The following UGGT2 variants were observed in gnomAD, a reference collection of about 807,000 sequenced individuals.
UGGT2 encodes the protein UDP-glucose glycoprotein glucosyltransferase 2.
Under a neutral mutation model 192.1 loss-of-function variants are expected in UGGT2, and 180 were observed. The ratio of observed to expected loss-of-function variants is 0.94; its 90% CI spans 0.83 to 1.06. The LOEUF (loss-of-function observed/expected upper bound fraction) is 1.06, where lower values mean the gene tolerates loss of function less well. UGGT2 is among the 50% of genes least tolerant of loss of function. The pLI is 0.00. For missense variants in UGGT2, 1,849 were observed against 1,795.7 expected (o/e 1.03, Z -0.54); for synonymous variants, 580 against 591.0 (o/e 0.98, Z 0.27).
chr13:95,956,173 T>C (rs2050206514), intron 12 of UGGT2, among the ~76,000 whole-genome samples: 1 of 152,122 alleles, frequency 6.6e-6, no homozygotes, highest in East Asian at 1.9e-4. Flanking sequence ...ACTATAAAGC[T>C]ACAGTAATCA....
At chr13:96,047,930 G>C (rs932073718) in intron 1 of UGGT2, among the ~76,000 whole-genome samples, 3 of 151,998 alleles carry the variant, frequency 2.0e-5, no homozygotes, top group Admixed American at 6.6e-5. Flanking sequence ...AGATCAACGA[G>C]ACAGAAAGTT....
At chr13:95,982,105 T>C (rs2051144403) in intron 10 of UGGT2, among the ~76,000 whole-genome samples, 1 of 152,074 alleles carries the variant, frequency 6.6e-6, no homozygotes, top group African/African-American at 2.4e-5. Context: ...GGCTGACAGG[T>C]AGATAAGGTG....
At chr13:95,933,523 T>A (rs926326139) in intron 17 of UGGT2, among the ~76,000 whole-genome samples, 1 of 152,194 alleles carries the variant, frequency 6.6e-6, no homozygotes, top group Non-Finnish European at 1.5e-5. Context: ...TTTCACTGAT[T>A]CATTGTATAA....
chr13:95,936,362 G>A (rs538100939), intron 17 of UGGT2, among the ~76,000 whole-genome samples: 2 of 152,332 alleles, frequency 1.3e-5, no homozygotes, highest in South Asian at 2.1e-4. Context: ...AGCCAGCTGA[G>A]GCCAACATGG....
chr13:95,946,960 A>G (rs1205153844), intron 15 of UGGT2, 77 bp downstream of exon 15: 2 of 1,346,650 alleles, frequency 1.5e-6, no homozygotes, highest in African/African-American at 1.5e-5. Context: ...CAAAAATTAT[A>G]CATTCTAAAG....
At position 96,000,239 on chromosome 13, in the gene UGGT2, G is replaced by A. The variant is rs2051755204; in HGVS notation, c.661-932C>T. 2.6e-5 allele frequency among the ~76,000 whole-genome samples: 4 copies of A among 152,242 alleles called. No individual in the cohort carries two copies. In the South Asian group the frequency reaches 8.3e-4, roughly 32 times the overall value. Reference sequence around the variant, plus strand: ...ACAGGGACAGTTTTGCATGATAGAGGAAAAGGTAGAGATTGGAGGGAAGGA... The same window carrying A: ...ACAGGGACAGTTTTGCATGATAGAGAAAAAGGTAGAGATTGGAGGGAAGGA... On this transcript the variant is annotated intron_variant, in intron 5 of 38. Coordinates refer to ENST00000376747, the MANE Select transcript of UGGT2 (RefSeq NM_020121.4).
At chr13:95,870,612 G>T (rs1385608947) in intron 29 of UGGT2, among the ~76,000 whole-genome samples, 1 of 152,158 alleles carries the variant, frequency 6.6e-6, no homozygotes, top group Non-Finnish European at 1.5e-5. Context: ...CAGTTCCTTG[G>T]CTTTGTTCTC....
intron 20 of UGGT2, among the ~76,000 whole-genome samples, chr13:95,911,511 T>C (rs934344289): frequency 2.0e-5 from 3 of 152,128 alleles, no homozygotes; most frequent in African/African-American, 7.2e-5. Flanking sequence ...CCTGGACACA[T>C]ACACCCTCCC....
chr13:95,816,206 G>A (rs1421010290), intron 38 of UGGT2, among the ~76,000 whole-genome samples: 1 of 152,158 alleles, frequency 6.6e-6, no homozygotes. Flanking sequence ...ATTATAATTA[G>A]TCTGTAGGGA....
At chr13:95,883,507 C>G (rs896754766) in intron 27 of UGGT2, among the ~76,000 whole-genome samples, 1 of 152,132 alleles carries the variant, frequency 6.6e-6, no homozygotes, top group Non-Finnish European at 1.5e-5. Flanking sequence ...GGGGAGGGGC[C>G]TGGTGGGAGG....
At chr13:96,049,868 T>C (rs1325608091) in intron 1 of UGGT2, among the ~76,000 whole-genome samples, 1 of 152,136 alleles carries the variant, frequency 6.6e-6, no homozygotes, top group African/African-American at 2.4e-5. Flanking sequence ...TGCTCATGGA[T>C]AGGAAGAATC....
chr13:95,915,300 C>T (rs2048646446), intron 20 of UGGT2, among the ~76,000 whole-genome samples: 1 of 152,142 alleles, frequency 6.6e-6, no homozygotes, highest in South Asian at 2.1e-4. Flanking sequence ...CTCTCTGCTC[C>T]TGATTTTCCC....
chr13:95,941,544 T>G (rs2049679982), intron 15 of UGGT2, among the ~76,000 whole-genome samples: 2 of 152,028 alleles, frequency 1.3e-5, no homozygotes, highest in Admixed American at 1.3e-4. Flanking sequence ...ATCACAAAAA[T>G]GAGACTCTGA....
intron 29 of UGGT2, among the ~76,000 whole-genome samples, chr13:95,871,919 G>C (rs1424697956): frequency 6.6e-6 from 1 of 152,184 alleles, no homozygotes; most frequent in Non-Finnish European, 1.5e-5. Flanking sequence ...ACCAACTCGA[G>C]TACCTGCGGA....
intron 9 of UGGT2, among the ~76,000 whole-genome samples, chr13:95,985,975 G>C (rs571390707): frequency 1.3e-5 from 2 of 152,176 alleles, no homozygotes; most frequent in South Asian, 2.1e-4. Flanking sequence ...CTCCTACTTA[G>C]AGTAATACTT....
chr13:95,811,307 A>G (rs1884571215), intron 38 of UGGT2, among the ~76,000 whole-genome samples: 1 of 152,224 alleles, frequency 6.6e-6, no homozygotes, highest in African/African-American at 2.4e-5. Flanking sequence ...ATAAATATTC[A>G]TAGGAATATA....
chr13:95,987,474 G>C (rs1434385608), intron 8 of UGGT2, among the ~76,000 whole-genome samples: 2 of 152,036 alleles, frequency 1.3e-5, no homozygotes, highest in Non-Finnish European at 2.9e-5. Flanking sequence ...TCTAAATTAT[G>C]CAAAGGCCCC....
chr13:95,940,447 TTC>T (rs756162600), intron 15 of UGGT2, among the ~76,000 whole-genome samples: 453 of 149,556 alleles, frequency 3.0e-3, no homozygotes, highest in South Asian at 6.0e-3. Context: ...TGTAATTTTT[TTC>T]TTTTTCTTTT....
intron 20 of UGGT2, among the ~76,000 whole-genome samples, chr13:95,903,535 G>T (rs1364380513): frequency 6.6e-6 from 1 of 152,102 alleles, no homozygotes; most frequent in African/African-American, 2.4e-5. Flanking sequence ...CCCTAAACTT[G>T]CACTGCTAAA....
Sources: gnomAD v4.1 joint callset for allele counts (sites outside exome capture counted in the v4.1 genomes callset) on GRCh38, gnomAD v4.1.1 for gene constraint, MANE v1.5 for transcripts, NCBI Gene and HGNC (gene_info 2026-07-23, HGNC 2026-07-21) for gene names.